Variants in MACROD2 observed in about 807,000 individuals in gnomAD.
MACROD2 encodes the protein ADP-ribose glycohydrolase MACROD2.
A neutral mutation model predicts 70.4 loss-of-function variants in MACROD2; 36 were observed. That is an observed-to-expected ratio of 0.51 (90% CI 0.39 to 0.68). The LOEUF is 0.68. Ranked by LOEUF, MACROD2 falls within the 30% of genes least tolerant of loss-of-function variation. The pLI is 0.00. For synonymous variants in MACROD2, 172 were observed against 178.8 expected, an observed-to-expected ratio of 0.96 and a Z score of 0.30; for missense variants, 496 against 538.4, an observed-to-expected ratio of 0.92 and a Z score of 0.78.
At chr20:15,699,568 C>T (rs755571400) in intron 8 of MACROD2, among the ~76,000 whole-genome samples, 37 of 152,090 alleles carry the variant, frequency 2.4e-4, no homozygotes, top group Admixed American at 3.9e-4. Flanking sequence ...CAGGAGGGGG[C>T]GCTTTCCAGA....
At chr20:14,231,401 G>A (rs2081811259) in intron 3 of MACROD2, among the ~76,000 whole-genome samples, 1 of 151,120 alleles carries the variant, frequency 6.6e-6, no homozygotes, top group Non-Finnish European at 1.5e-5. Context: ...TGGTTTTTTT[G>A]TCCTTGCGAT....
chr20:14,002,477 C>A, intron 2 of MACROD2, 73 bp downstream of exon 2: 1 of 856,268 alleles, frequency 1.2e-6, no homozygotes. Flanking sequence ...AAATGAATAA[C>A]TGGCGTTCAA....
At chr20:16,030,976 G>A (rs949366400) in intron 15 of MACROD2, among the ~76,000 whole-genome samples, 1 of 151,952 alleles carries the variant, frequency 6.6e-6, no homozygotes, top group African/African-American at 2.4e-5. Flanking sequence ...TTTTAATAAA[G>A]AATTTTATGG....
intron 8 of MACROD2, among the ~76,000 whole-genome samples, chr20:15,646,635 G>C (rs138271688): frequency 6.6e-6 from 1 of 152,308 alleles, no homozygotes; most frequent in Non-Finnish European, 1.5e-5. Context: ...AGACCAGGTG[G>C]AGGTAATTGG....
At chr20:15,948,210 G>A (rs2065852060) in intron 12 of MACROD2, among the ~76,000 whole-genome samples, 1 of 151,848 alleles carries the variant, frequency 6.6e-6, no homozygotes, top group Admixed American at 6.6e-5. Context: ...AGTAAAGAGA[G>A]CTTACTAAAA....
At chr20:15,489,186 G>A (rs2047197668) in intron 7 of MACROD2, among the ~76,000 whole-genome samples, 1 of 152,198 alleles carries the variant, frequency 6.6e-6, no homozygotes, top group Non-Finnish European at 1.5e-5. Flanking sequence ...AGAATTTATG[G>A]AGTATCATTT....
chr20:15,095,193 C>T (rs929569112), intron 5 of MACROD2, among the ~76,000 whole-genome samples: 3 of 150,880 alleles, frequency 2.0e-5, no homozygotes, highest in African/African-American at 7.3e-5. Context: ...TCTCCTGCCT[C>T]AGCCTCCCCA....
At chr20:14,635,263 A>G (rs1450835425) in intron 4 of MACROD2, among the ~76,000 whole-genome samples, 1 of 152,164 alleles carries the variant, frequency 6.6e-6, no homozygotes, top group Non-Finnish European at 1.5e-5. Flanking sequence ...GGCTATTTCA[A>G]TTATTGCTTG....
At chr20:15,127,068 A>G (rs1014986853) in intron 5 of MACROD2, among the ~76,000 whole-genome samples, 1 of 152,038 alleles carries the variant, frequency 6.6e-6, no homozygotes, top group Non-Finnish European at 1.5e-5. Flanking sequence ...CCACTGCCAC[A>G]CTCTTGGTTT....
chr20:15,727,024 A>G (rs1451526751), intron 8 of MACROD2, among the ~76,000 whole-genome samples: 3 of 152,006 alleles, frequency 2.0e-5, no homozygotes, highest in African/African-American at 7.2e-5. Context: ...TCCAAATGGT[A>G]TTTCCTAGGT....
chr20:16,008,408 A>C (rs950777154), intron 15 of MACROD2, among the ~76,000 whole-genome samples: 1 of 152,218 alleles, frequency 6.6e-6, no homozygotes, highest in Non-Finnish European at 1.5e-5. Context: ...TCAAAGCTAA[A>C]GATTTATTTT....
chr20:15,087,466 G>A (rs1234299139), intron 5 of MACROD2, among the ~76,000 whole-genome samples: 1 of 152,016 alleles, frequency 6.6e-6, no homozygotes, highest in East Asian at 1.9e-4. Flanking sequence ...GCAATTAACT[G>A]TGGTAAGAAT....
intron 3 of MACROD2, among the ~76,000 whole-genome samples, chr20:14,435,672 C>T (rs1005341526): frequency 1.3e-5 from 2 of 151,842 alleles, no homozygotes; most frequent in Non-Finnish European, 2.9e-5. Context: ...TCTTATATTA[C>T]TTAAAGTACA....
rs534604282 is a variant in MACROD2 at position 16,033,995 on chromosome 20, G to T, written c.1154-7206G>T. Among the ~76,000 whole-genome samples the T allele has an allele frequency of 3.3e-5, 5 of 151,906 alleles. No individual in the cohort carries two copies. In the East Asian group the frequency reaches 9.7e-4, roughly 30 times the overall value. On this transcript the variant is annotated intron_variant, in intron 15 of 17. Transcript: ENST00000684519. ...TGTTGTAGGGAAAGTGGGGTAAATT[G>T]CTACCTGTTTTATTTTGACTCCTTT...
intron 8 of MACROD2, among the ~76,000 whole-genome samples, chr20:15,504,557 G>T (rs766216205): frequency 1.3e-5 from 2 of 152,090 alleles, no homozygotes; most frequent in East Asian, 3.9e-4. Flanking sequence ...ACACAGAAGA[G>T]AAATACAAAG....
At chr20:14,097,273 C>T in intron 3 of MACROD2, among the ~76,000 whole-genome samples, 1 of 152,172 alleles carries the variant, frequency 6.6e-6, no homozygotes, top group East Asian at 1.9e-4. Context: ...TAAATACATC[C>T]ATCTGATTTA....
At chr20:15,101,094 A>G (rs1165450235) in intron 5 of MACROD2, among the ~76,000 whole-genome samples, 2 of 152,156 alleles carry the variant, frequency 1.3e-5, no homozygotes, top group Non-Finnish European at 2.9e-5. Flanking sequence ...TGGAAAGAGC[A>G]TGTTGCCTGA....
intron 8 of MACROD2, among the ~76,000 whole-genome samples, chr20:15,593,891 T>C (rs1019232603): frequency 2.0e-5 from 3 of 152,206 alleles, no homozygotes; most frequent in African/African-American, 4.8e-5. Context: ...AAGCCACTTA[T>C]TGATGCTGTG....
At chr20:14,591,654 C>A (rs371998417) in intron 4 of MACROD2, among the ~76,000 whole-genome samples, 2 of 152,154 alleles carry the variant, frequency 1.3e-5, no homozygotes, top group African/African-American at 4.8e-5. Context: ...AAATGTACAG[C>A]CTCATAAAGT....
Sources: allele counts gnomAD v4.1 joint callset (sites outside exome capture counted in the v4.1 genomes callset), GRCh38; gene constraint gnomAD v4.1.1; transcripts MANE v1.5; gene names NCBI Gene and HGNC (gene_info 2026-07-23, HGNC 2026-07-21).